ZBTB44: variants seen among roughly 807,000 people sequenced by gnomAD.
ZBTB44 encodes zinc finger and BTB domain containing 44.
ZBTB44 carries 15 observed loss-of-function variants against 54.0 expected under a neutral mutation model. The ratio of observed to expected loss-of-function variants is 0.28; its 90% CI spans 0.19 to 0.43. The LOEUF (loss-of-function observed/expected upper bound fraction) is 0.43, where lower values mean the gene tolerates loss of function less well. ZBTB44 is among the 20% of genes least tolerant of loss of function. The probability of loss-of-function intolerance (pLI) is 1.00; values close to 1 mark genes in which losing one functional copy is unlikely to be tolerated. For missense variants in ZBTB44, 487 were observed against 707.1 expected (o/e 0.69, Z 3.53); for synonymous variants, 230 against 250.1 (o/e 0.92, Z 0.76).
chr11:130,228,537 AG>A lies in ZBTB44; in HGVS notation c.*3226del, dbSNP rs1953765017. ...TCTCCTTAGAAAGCAGGTGTTTCTA[AG>A]AACTGCAGGAAAGGCTTCCCATCTT... On this transcript the variant is annotated 3_prime_UTR_variant, in exon 8 of 8. Coordinates refer to ENST00000357899, the MANE Select transcript of ZBTB44 (RefSeq NM_001301098.2). 6.6e-6 allele frequency: 1 copy of A among 152,194 alleles called. No homozygotes were observed. The highest frequency in any genetic ancestry group is 2.4e-5 in the African/African-American group (1 of 41,454). 9.4% of individuals were successfully genotyped at this position (152,194 alleles called of 1,614,324 possible).
chr11:130,313,121 G>A (rs1017279812), intron 1 of ZBTB44, among the ~76,000 whole-genome samples: 7 of 151,984 alleles, frequency 4.6e-5, no homozygotes, highest in Admixed American at 2.0e-4. Context: ...TGAGAAGTAC[G>A]GTAGAAAGTA....
intron 1 of ZBTB44, among the ~76,000 whole-genome samples, chr11:130,273,975 C>A (rs1478313353): frequency 6.7e-6 from 1 of 150,112 alleles, no homozygotes; most frequent in East Asian, 2.0e-4. Flanking sequence ...GTAATCCCAG[C>A]TAGTAGGGGG....
intron 2 of ZBTB44, among the ~76,000 whole-genome samples, chr11:130,241,360 T>C (rs1591934143): frequency 1.3e-5 from 2 of 152,254 alleles, no homozygotes; most frequent in Admixed American, 1.3e-4. Flanking sequence ...TCCATATCCT[T>C]ACCTCCTTAC....
chr11:130,273,540 C>T (rs1027798281), intron 1 of ZBTB44, among the ~76,000 whole-genome samples: 21 of 151,810 alleles, frequency 1.4e-4, no homozygotes, highest in African/African-American at 4.8e-4. Flanking sequence ...CTCAAACTCC[C>T]GGGCTCAAGC....
intron 1 of ZBTB44, among the ~76,000 whole-genome samples, chr11:130,311,659 T>G (rs1942613985): frequency 6.6e-6 from 1 of 152,168 alleles, no homozygotes; most frequent in Non-Finnish European, 1.5e-5. Context: ...CTTAGTTCTC[T>G]CCTCTCAAAG....
intron 5 of ZBTB44, 71 bp downstream of exon 5, chr11:130,236,722 G>C (rs980902627): frequency 9.2e-6 from 12 of 1,308,994 alleles, no homozygotes; most frequent in East Asian, 8.9e-5. Context: ...AACACAGAAG[G>C]CTGCCCTAAA....
intron 1 of ZBTB44, among the ~76,000 whole-genome samples, chr11:130,291,212 T>A (rs1941286714): frequency 6.6e-6 from 1 of 152,094 alleles, no homozygotes; most frequent in African/African-American, 2.4e-5. Flanking sequence ...GCTCTTGAAT[T>A]GCTTGAACCT....
chr11:130,250,248 AAGAC>A (rs1168584353), intron 2 of ZBTB44, among the ~76,000 whole-genome samples: 1 of 152,218 alleles, frequency 6.6e-6, no homozygotes, highest in Non-Finnish European at 1.5e-5. Flanking sequence ...CTCTGAAAGA[AAGAC>A]AGCAGCCCCA....
chr11:130,280,878 G>A (rs1002896435), intron 1 of ZBTB44, among the ~76,000 whole-genome samples: 1 of 152,064 alleles, frequency 6.6e-6, no homozygotes, highest in Admixed American at 6.5e-5. Flanking sequence ...TTGCACCAGT[G>A]AGGACTTTTA....
chr11:130,277,082 A>T (rs1940158626), intron 1 of ZBTB44, among the ~76,000 whole-genome samples: 1 of 152,162 alleles, frequency 6.6e-6, no homozygotes, highest in Non-Finnish European at 1.5e-5. Context: ...TGCTGTTTAT[A>T]AACTTAGTCT....
intron 1 of ZBTB44, among the ~76,000 whole-genome samples, chr11:130,283,408 C>T (rs1487692030): frequency 6.6e-6 from 1 of 152,030 alleles, no homozygotes; most frequent in Non-Finnish European, 1.5e-5. Context: ...TGTTGTGCAA[C>T]CATTTCCTAT....
chr11:130,295,978 C>T (rs1941618123), intron 1 of ZBTB44: 19 of 1,542,718 alleles, frequency 1.2e-5, no homozygotes, highest in African/African-American at 2.7e-5. Context: ...CACACCAGGC[C>T]GTCTGCTGTA....
chr11:130,270,372 T>C (rs556687561), intron 1 of ZBTB44, among the ~76,000 whole-genome samples: 2 of 152,350 alleles, frequency 1.3e-5, no homozygotes, highest in Admixed American at 6.5e-5. Context: ...TGGAAATTTA[T>C]ACATAAACTT....
At chr11:130,266,088 G>A (rs780137711) in intron 1 of ZBTB44, among the ~76,000 whole-genome samples, 3 of 152,150 alleles carry the variant, frequency 2.0e-5, no homozygotes, top group African/African-American at 4.8e-5. Flanking sequence ...TTCAAAGGAC[G>A]GGATGCCTCT....
At chr11:130,295,225 T>C (rs1941568997) in intron 1 of ZBTB44, among the ~76,000 whole-genome samples, 1 of 151,672 alleles carries the variant, frequency 6.6e-6, no homozygotes, top group Non-Finnish European at 1.5e-5. Flanking sequence ...CAATGAGAGG[T>C]AGAAGGGTTA....
intron 1 of ZBTB44, among the ~76,000 whole-genome samples, chr11:130,268,604 A>G (rs1389684079): frequency 6.6e-6 from 1 of 151,988 alleles, no homozygotes. Context: ...TTTGAGACAG[A>G]GTCTCACTCT....
intron 2 of ZBTB44, among the ~76,000 whole-genome samples, chr11:130,249,931 T>TG (rs1937860286): frequency 6.6e-6 from 1 of 151,980 alleles, no homozygotes; most frequent in Admixed American, 6.5e-5. Flanking sequence ...TGCAGCCCCC[T>TG]GCAAAGGGGG....
intron 2 of ZBTB44, among the ~76,000 whole-genome samples, chr11:130,242,538 A>G (rs1012284639): frequency 1.2e-5 from 1 of 84,474 alleles, no homozygotes; most frequent in Admixed American, 1.5e-4. Flanking sequence ...GTTTGAAAAC[A>G]TATTTATTTT....
At chr11:130,294,604 ATGT>A (rs1016639132) in intron 1 of ZBTB44, among the ~76,000 whole-genome samples, 9 of 144,822 alleles carry the variant, frequency 6.2e-5, no homozygotes, top group Admixed American at 1.4e-4. Flanking sequence ...CCACCCCATT[ATGT>A]TGTTGTTTAT....
Sources: gnomAD v4.1 joint callset for allele counts (sites outside exome capture counted in the v4.1 genomes callset) on GRCh38, gnomAD v4.1.1 for gene constraint, MANE v1.5 for transcripts, NCBI Gene and HGNC (gene_info 2026-07-23, HGNC 2026-07-21) for gene names.